The following MT1H variants were observed in gnomAD, a reference collection of about 807,000 sequenced individuals.
MT1H encodes metallothionein-1H.
Under a neutral mutation model 8.7 loss-of-function variants are expected in MT1H, and 8 were observed. That is an observed-to-expected ratio of 0.92 (90% CI 0.54 to 1.66). The LOEUF (loss-of-function observed/expected upper bound fraction) is 1.66. Among genes scored for constraint, MT1H ranks in the 40% most tolerant of loss-of-function variants. The probability of loss-of-function intolerance (pLI) is 0.00; values close to 1 mark genes in which losing one functional copy is unlikely to be tolerated. For synonymous variants in MT1H, 32 were observed against 28.9 expected (o/e 1.11, Z -0.34); for missense variants, 84 against 75.2 (o/e 1.12, Z -0.43).
chr16:56,670,778 T>G, intron 2 of MT1H, 120 bp from the exon 3 acceptor site: 1 of 1,534,424 alleles, frequency 6.5e-7, no homozygotes, highest in Non-Finnish European at 9.0e-7. Flanking sequence ...CTGAAAAAGC[T>G]GTGCCATCCT....
At chr16:56,670,637 G>T (rs750961551) in intron 2 of MT1H, 66 bp downstream of exon 2, 39 of 1,613,006 alleles carry the variant, frequency 2.4e-5, no homozygotes, top group Non-Finnish European at 3.1e-5. Context: ...CCCAAGGCTG[G>T]CCCTGAGTGC....
rs80148968 is a variant in MT1H at position 56,671,053 on chromosome 16, T to C, written c.*64T>C. The C allele has an allele frequency of 6.4e-7, 1 of 1,570,078 alleles. No homozygotes were observed. The highest frequency in any genetic ancestry group is 1.4e-5 in the African/African-American group (1 of 72,696). On this transcript the variant is annotated 3_prime_UTR_variant, in exon 3 of 3. Transcript: ENST00000332374. ...CACGTAAAATCCAGGATTTTTTTTT[T>C]CTACAACTCCGACTCATTTGCTACA...
chr16:56,670,839 T>A (rs2144355781), intron 2 of MT1H, 59 bp from the exon 3 acceptor site: 4 of 1,606,028 alleles, frequency 2.5e-6, no homozygotes, highest in Non-Finnish European at 3.4e-6. Flanking sequence ...AGGCCTGCTG[T>A]TGGGAGAGGG....
chr16:56,670,662 C>T, intron 2 of MT1H, 91 bp downstream of exon 2: 1 of 1,608,286 alleles, frequency 6.2e-7, no homozygotes, highest in Non-Finnish European at 8.5e-7. Context: ...TTCCTTTGTC[C>T]CCCTAGGCCG....
chr16:56,671,004 T>A lies in MT1H; in HGVS notation c.*15T>A, dbSNP rs1374197565. On this transcript the variant is annotated 3_prime_UTR_variant, in exon 3 of 3. Coordinates refer to ENST00000332374, the MANE Select transcript of MT1H (RefSeq NM_005951.2). ...GCTGTGCCTGATGTCGGGACAGCCCTGCTGTCAGATGAAAACAGAATGACA... is the reference window on the plus strand; with the variant it reads ...GCTGTGCCTGATGTCGGGACAGCCCAGCTGTCAGATGAAAACAGAATGACA... 3.7e-6 allele frequency: 6 copies of A among 1,609,210 alleles called. No individual in the cohort carries two copies. Among genetic ancestry groups the A allele is most frequent in the Admixed American group, 1.7e-5 (1 of 58,398 alleles).
chr16:56,670,247 G>A (rs1168039007), intron 1 of MT1H, among the ~76,000 whole-genome samples: 4 of 152,218 alleles, frequency 2.6e-5, no homozygotes, highest in Admixed American at 2.6e-4. Context: ...CCTCTTCAGG[G>A]TTCAGCACAG....
rs756880673 is a variant in MT1H, at chr16:56,670,891, T to C, written c.95-7T>C. On this transcript the variant is annotated splice_polypyrimidine_tract_variant and splice_region_variant and intron_variant, in intron 2 of 2. Coordinates refer to ENST00000332374, the MANE Select transcript of MT1H (RefSeq NM_005951.2). ...CTGCTGTGACTTCTCTCTCCCTTTT[T>C]CCCCAGGCTGCTGCTCCTGTTGCCC... The C allele has an allele frequency of 1.0e-4, 167 of 1,613,330 alleles. No homozygotes were observed. Among genetic ancestry groups the C allele is most frequent in the Non-Finnish European group, 1.3e-4 (151 of 1,179,892 alleles).
At chr16:56,670,680 C>T in intron 2 of MT1H, 109 bp downstream of exon 2, 2 of 1,590,902 alleles carry the variant, frequency 1.3e-6, no homozygotes, top group Non-Finnish European at 1.7e-6. Context: ...CCGTCACTGC[C>T]TTTCCAGTCT....
chr16:56,670,460 T>G (rs368482815), intron 1 of MT1H, 46 bp from the exon 2 acceptor site: 36 of 1,613,968 alleles, frequency 2.2e-5, no homozygotes, highest in Non-Finnish European at 3.1e-5. Flanking sequence ...CTGCTGTAAC[T>G]TCTGCATCTC....
intron 1 of MT1H, among the ~76,000 whole-genome samples, 187 bp downstream of exon 1, chr16:56,670,099 G>A (rs1960851859): frequency 6.6e-6 from 1 of 152,144 alleles, no homozygotes; most frequent in African/African-American, 2.4e-5. Context: ...CTATGTCAGA[G>A]TTGAGGGTCC....
intron 1 of MT1H, 124 bp downstream of exon 1, chr16:56,670,036 G>T: frequency 7.4e-7 from 1 of 1,348,444 alleles, no homozygotes; most frequent in South Asian, 1.2e-5. Flanking sequence ...TACTTCCTCC[G>T]CTGCTTTCCT....
Position 56,669,905 on chromosome 16 carries a change from C to A in MT1H, c.21C>A (p.Cys7Ter). MDPNCS[C>*]EAGGSCACAG... is the part of the protein sequence containing the mutation. ...TTGCAATGGACCCCAACTGCTCCTG[C>A]GAGGCTGGTAAGGAACGCCCGGGTT... Residue 7 changes from cysteine (C) to a stop codon, truncating the protein, a stop_gained, in exon 1 of 3, where the codon TGC (cysteine) becomes TGA (stop). Coordinates refer to ENST00000332374, the MANE Select transcript of MT1H (RefSeq NM_005951.2). LOFTEE classifies it high-confidence loss of function. 3 of 1,614,042 alleles carry A rather than the reference C, an allele frequency of 1.9e-6. No individual in the cohort carries two copies. Among genetic ancestry groups the A allele is most frequent in the South Asian group, 1.1e-5 (1 of 91,068 alleles).
rs553865026 is a variant in MT1H, at chr16:56,670,302, A to T, written c.29-204A>T. On this transcript the variant is annotated intron_variant, in intron 1 of 2. Coordinates refer to ENST00000332374, the MANE Select transcript of MT1H (RefSeq NM_005951.2). ...TCCCGGGCTGTGCCTGGAGCCTGGGACTTACCTTTGGAATACAAACGGAGG... is the reference window on the plus strand; with the variant it reads ...TCCCGGGCTGTGCCTGGAGCCTGGGTCTTACCTTTGGAATACAAACGGAGG... Among the ~76,000 whole-genome samples the T allele has an allele frequency of 5.9e-5, 9 of 152,142 alleles. No homozygotes were observed. The East Asian group carries it at 9.7e-4, about 16-fold the overall frequency.
At chr16:56,670,875 C>A (rs754451182) in intron 2 of MT1H, 23 bp from the exon 3 acceptor site, 6 of 1,613,636 alleles carry the variant, frequency 3.7e-6, no homozygotes, top group Middle Eastern at 1.6e-4. Context: ...TCTGCTGTGA[C>A]TTCTCTCTCC....
chr16:56,670,742 T>G, intron 2 of MT1H, 156 bp from the exon 3 acceptor site: 1 of 1,489,140 alleles, frequency 6.7e-7, no homozygotes, highest in Non-Finnish European at 9.3e-7. Context: ...ATAGGAAGAC[T>G]CACCCCAATA....
chr16:56,670,797 G>A, intron 2 of MT1H, 101 bp from the exon 3 acceptor site: 1 of 1,563,442 alleles, frequency 6.4e-7, no homozygotes, highest in Non-Finnish European at 8.8e-7. Flanking sequence ...CTGAACTAAG[G>A]ATCCTCTGGG....
Position 56,670,496 on chromosome 16 carries a change from T to G in MT1H, c.29-10T>G, listed in dbSNP as rs1164634514. 6.2e-7 allele frequency: 1 copy of G among 1,614,224 alleles called. No homozygotes were observed. The highest frequency in any genetic ancestry group is 1.7e-5 in the Admixed American group (1 of 60,034). On this transcript the variant is annotated splice_polypyrimidine_tract_variant and intron_variant, in intron 1 of 2. Transcript: ENST00000332374. ...ACTCACAACACACTGGCTTTTTCTA[T>G]TCCTTGCAGGTGGCTCCTGCGCCTG... is the stretch of plus-strand genomic sequence containing the variant.
At chr16:56,669,961 C>T (rs1401484783) in intron 1 of MT1H, 49 bp downstream of exon 1, 1 of 1,612,386 alleles carries the variant, frequency 6.2e-7, no homozygotes, top group Non-Finnish European at 8.5e-7. Flanking sequence ...TTCCCAGACA[C>T]CATAGAGAGT....
rs1269839040 is a variant in MT1H at position 56,670,706 on chromosome 16, G to A, written c.94+135G>A. On this transcript the variant is annotated intron_variant, in intron 2 of 2. Transcript: ENST00000332374. ...TTTCCAGTCTTCTGCTCTGTCCAGG[G>A]CTCCTGTGGGGCTGGGCAGTCTCTC... The A allele has an allele frequency of 1.9e-6, 3 of 1,548,606 alleles. No individual in the cohort carries two copies. In the East Asian group the frequency reaches 6.9e-5, roughly 36 times the overall value.
Sources: gnomAD v4.1 joint callset for allele counts (sites outside exome capture counted in the v4.1 genomes callset) on GRCh38, gnomAD v4.1.1 for gene constraint, MANE v1.5 for transcripts, NCBI Gene and HGNC (gene_info 2026-07-23, HGNC 2026-07-21) for gene names.